APBB2: variants seen among roughly 807,000 people sequenced by gnomAD.
APBB2 encodes the protein amyloid beta precursor protein binding family B member 2.
Under a neutral mutation model 82.5 loss-of-function variants are expected in APBB2, and 38 were observed. That is an observed-to-expected ratio of 0.46 (90% CI 0.36 to 0.60). The LOEUF (loss-of-function observed/expected upper bound fraction) is 0.60. Among genes scored for constraint, APBB2 ranks in the 20% least tolerant of loss-of-function variants. The pLI, the probability that APBB2 is intolerant of heterozygous loss-of-function variation, is 0.00. For synonymous variants in APBB2, 341 were observed against 368.2 expected, an observed-to-expected ratio of 0.93 and a Z score of 0.85; for missense variants, 772 against 972.3, an observed-to-expected ratio of 0.79 and a Z score of 2.74.
chr4:40,847,925 A>T (rs1367540719), intron 12 of APBB2, among the ~76,000 whole-genome samples: 1 of 151,520 alleles, frequency 6.6e-6, no homozygotes, highest in South Asian at 2.1e-4. Context: ...TCCGGCCTCA[A>T]CCTCCCAAGT....
chr4:40,838,250 C>T (rs1263187349), intron 12 of APBB2, among the ~76,000 whole-genome samples: 1 of 150,856 alleles, frequency 6.6e-6, no homozygotes, highest in African/African-American at 2.4e-5. Context: ...GCAACCTCCA[C>T]CTCCTGGGTT....
At chr4:40,837,165 C>T (rs1178076947) in intron 12 of APBB2, among the ~76,000 whole-genome samples, 1 of 152,208 alleles carries the variant, frequency 6.6e-6, no homozygotes, top group Non-Finnish European at 1.5e-5. Context: ...CAGCTCAGGC[C>T]GAGCATGTGG....
At chr4:40,849,912 CG>C (rs1208055527) in intron 12 of APBB2, among the ~76,000 whole-genome samples, 4 of 151,736 alleles carry the variant, frequency 2.6e-5, no homozygotes, top group African/African-American at 9.7e-5. Flanking sequence ...TTAGTAGAGA[CG>C]GGGTTTCACC....
intron 6 of APBB2, among the ~76,000 whole-genome samples, chr4:40,973,389 A>T (rs1480606701): frequency 6.6e-6 from 1 of 152,194 alleles, no homozygotes; most frequent in Non-Finnish European, 1.5e-5. Flanking sequence ...TTAGCCCTTC[A>T]GGCCTGGACG....
chr4:41,171,976 T>C lies in APBB2; in HGVS notation c.-416-28834A>G, dbSNP rs922154836. On this transcript the variant is annotated intron_variant, in intron 1 of 17. Coordinates refer to ENST00000508593, the MANE Select transcript of APBB2 (RefSeq NM_004307.2). ...TTAGCTGGGCATGGTGGCAGAAGCC[T>C]GTAATCCCAGCTAATCGGGAGGCTA... Among the ~76,000 whole-genome samples the C allele has an allele frequency of 4.6e-5, 7 of 152,296 alleles. No homozygotes were observed. The South Asian group carries it at 8.3e-4, about 18-fold the overall frequency.
At position 40,945,032 on chromosome 4, in the gene APBB2, A is replaced by C. The variant is rs766122282; in HGVS notation, c.877T>G (p.Leu293Val). 1 of 1,581,178 alleles carries C rather than the reference A, an allele frequency of 6.3e-7. No individual in the cohort carries two copies. The highest frequency in any genetic ancestry group is 1.1e-5 in the South Asian group (1 of 90,512). The change falls in exon 7 of 18, where the codon TTG (leucine) becomes GTG (valine). Residue 293 changes from leucine (L) to valine (V), a missense_variant. Coordinates refer to ENST00000508593, the MANE Select transcript of APBB2 (RefSeq NM_004307.2). ...CTGACTCTTTTCCAGCCAGGCGGCA[A>C]ATCTGGATCAGTCTGAAATGAGTGA... ...SDHSFQTDPDLPPGWKRVSDI... is the reference protein window; with the variant it reads ...SDHSFQTDPDVPPGWKRVSDI...
intron 4 of APBB2, among the ~76,000 whole-genome samples, chr4:41,042,576 T>G (rs1721938688): frequency 6.6e-6 from 1 of 152,176 alleles, no homozygotes. Flanking sequence ...TCTGCTCCCC[T>G]GAAAAAGACA....
Position 40,944,970 on chromosome 4 carries a change from T to C in APBB2, c.939A>G (p.Thr313=). ...IAGTYYWHIP[T]GTTQWERPVS... is the part of the protein sequence containing the mutation. ...CGGGCCGTTCCCACTGAGTCGTTCC[T>C]GTTGGGATGTGCCAATAATAGGTCC... Residue 313 remains threonine (T), a synonymous_variant, in exon 7 of 18, where the codon ACA becomes ACG. Transcript: ENST00000508593. The C allele has an allele frequency of 6.2e-7, 1 of 1,613,400 alleles. No homozygotes were observed. Among genetic ancestry groups the C allele is most frequent in the Non-Finnish European group, 8.5e-7 (1 of 1,179,760 alleles).
chr4:40,904,766 T>C (rs926556217), intron 10 of APBB2, among the ~76,000 whole-genome samples: 1 of 151,652 alleles, frequency 6.6e-6, no homozygotes. Flanking sequence ...GTCTGGGGAT[T>C]CTCTGGAGTG....
Position 41,134,743 on chromosome 4 carries a change from C to T in APBB2, c.-261+8244G>A, listed in dbSNP as rs562197341. On this transcript the variant is annotated intron_variant, in intron 2 of 17. Coordinates refer to ENST00000508593, the MANE Select transcript of APBB2 (RefSeq NM_004307.2). ...CGCCTTGAGCCACTCCCATAAGATA[C>T]TGAGAAAGTGCTTAGTACTTGGCAA... Among the ~76,000 whole-genome samples the T allele has an allele frequency of 2.6e-5, 4 of 152,262 alleles. No individual in the cohort carries two copies. The South Asian group carries it at 8.3e-4, about 32-fold the overall frequency.
chr4:40,952,003 AC>A (rs1423256575), intron 6 of APBB2, among the ~76,000 whole-genome samples: 1 of 152,048 alleles, frequency 6.6e-6, no homozygotes, highest in African/African-American at 2.4e-5. Context: ...CCTGGCCAAC[AC>A]AGTGAAACCT....
Position 40,868,126 on chromosome 4 carries a change from G to A in APBB2, c.1529+22238C>T, listed in dbSNP as rs78128451. 4.1e-3 allele frequency among the ~76,000 whole-genome samples: 622 copies of A among 151,834 alleles called. 2 individuals carry two copies. Among genetic ancestry groups the A allele is most frequent in the African/African-American group, 0.015 (604 of 41,414 alleles). On this transcript the variant is annotated intron_variant, in intron 12 of 17. Transcript: ENST00000508593. The stretch of plus-strand genomic sequence containing the variant: ...TCCCATGTCAGCCTCCCCAAGTGTT[G>A]GCATTACAGGGTGAGCCACCACACC...
At chr4:41,214,383 C>T (rs991578306) in intron 1 of APBB2, 22 bp downstream of exon 1, 1 of 152,286 alleles carries the variant, frequency 6.6e-6, no homozygotes, top group Non-Finnish European at 1.5e-5. Flanking sequence ...GGGGCAAAGG[C>T]AAGGAAGAAA....
intron 3 of APBB2, among the ~76,000 whole-genome samples, chr4:41,090,955 T>C (rs1741470285): frequency 6.6e-6 from 1 of 152,176 alleles, no homozygotes. Flanking sequence ...CCAGACTACC[T>C]AGACACTGCT....
At chr4:40,924,178 G>A (rs142512678) in intron 10 of APBB2, among the ~76,000 whole-genome samples, 24 of 152,318 alleles carry the variant, frequency 1.6e-4, no homozygotes, top group African/African-American at 5.5e-4. Flanking sequence ...CCTTGTGAAT[G>A]CCAACCTAAA....
chr4:41,096,132 T>C (rs539097152), intron 3 of APBB2, among the ~76,000 whole-genome samples: 1 of 152,248 alleles, frequency 6.6e-6, no homozygotes, highest in Non-Finnish European at 1.5e-5. Flanking sequence ...AGCTCTTCAA[T>C]GCAGTGAACA....
At chr4:40,952,821 C>T (rs1397521790) in intron 6 of APBB2, among the ~76,000 whole-genome samples, 1 of 152,216 alleles carries the variant, frequency 6.6e-6, no homozygotes, top group Non-Finnish European at 1.5e-5. Context: ...ACAGCAACAA[C>T]TGCAAGGACA....
At chr4:40,919,334 A>G (rs1056799143) in intron 10 of APBB2, among the ~76,000 whole-genome samples, 2 of 152,200 alleles carry the variant, frequency 1.3e-5, no homozygotes, top group African/African-American at 4.8e-5. Flanking sequence ...ACTTCTTTAC[A>G]CATGTCCTCA....
intron 6 of APBB2, among the ~76,000 whole-genome samples, chr4:40,966,811 G>A (rs1339929444): frequency 6.6e-6 from 1 of 152,072 alleles, no homozygotes; most frequent in East Asian, 1.9e-4. Flanking sequence ...TGAACAGCCT[G>A]GGCACCATGG....
Sources: allele counts gnomAD v4.1 joint callset (sites outside exome capture counted in the v4.1 genomes callset), GRCh38; gene constraint gnomAD v4.1.1; transcripts MANE v1.5; gene names NCBI Gene and HGNC (gene_info 2026-07-23, HGNC 2026-07-21).